Variants in RPH3A observed in about 807,000 individuals in gnomAD.
RPH3A encodes the protein rabphilin-3A.
RPH3A carries 48 observed loss-of-function variants against 102.2 expected under a neutral mutation model. That is an observed-to-expected ratio of 0.47 (90% CI 0.37 to 0.60). The LOEUF is 0.60. Ranked by LOEUF, RPH3A falls within the 20% of genes least tolerant of loss-of-function variation. RPH3A has a pLI of 0.00. For missense variants in RPH3A, 781 were observed against 910.1 expected (o/e 0.86, Z 1.83); for synonymous variants, 310 against 324.3 (o/e 0.96, Z 0.47).
At chr12:112,602,139 C>T (rs233716) in intron 1 of RPH3A, among the ~76,000 whole-genome samples, 87,567 of 151,922 alleles carry the variant, frequency 0.58, 25,832 homozygotes, top group South Asian at 0.7. Flanking sequence ...TTCTTCTTCA[C>T]GCCTTTCAAA....
At chr12:112,743,189 T>C (rs998981025) in intron 1 of RPH3A, among the ~76,000 whole-genome samples, 19 of 152,194 alleles carry the variant, frequency 1.2e-4, no homozygotes, top group African/African-American at 3.9e-4. Flanking sequence ...TAAGGTAACA[T>C]AGTCACAGGT....
intron 1 of RPH3A, among the ~76,000 whole-genome samples, chr12:112,736,066 T>C (rs1207102104): frequency 3.9e-5 from 6 of 152,152 alleles, no homozygotes; most frequent in Non-Finnish European, 7.4e-5. Context: ...TACACATCCT[T>C]AAAAGCCCAG....
chr12:112,772,368 G>A (rs985533969), intron 1 of RPH3A, among the ~76,000 whole-genome samples: 9 of 152,280 alleles, frequency 5.9e-5, no homozygotes, highest in African/African-American at 1.2e-4. Context: ...GTACATAACA[G>A]AGCATTTAGA....
intron 11 of RPH3A, 21 bp from the exon 12 acceptor site, chr12:112,875,658 T>A (rs771898782): frequency 1.2e-6 from 2 of 1,607,902 alleles, no homozygotes; most frequent in Non-Finnish European, 1.7e-6. Context: ...GCATCTCTGT[T>A]TGTCTCCTCT....
chr12:112,714,965 T>A (rs1417899310), intron 1 of RPH3A, among the ~76,000 whole-genome samples: 1 of 152,226 alleles, frequency 6.6e-6, no homozygotes, highest in East Asian at 1.9e-4. Context: ...CCAAATCCTT[T>A]TCCTGCATCT....
chr12:112,846,684 G>A (rs928156841), intron 4 of RPH3A, among the ~76,000 whole-genome samples: 5 of 152,234 alleles, frequency 3.3e-5, no homozygotes, highest in African/African-American at 1.2e-4. Flanking sequence ...CTCCCTCATA[G>A]GGACAAGAAT....
chr12:112,842,050 A>G, intron 4 of RPH3A: 2 of 456,050 alleles, frequency 4.4e-6, no homozygotes, highest in South Asian at 3.1e-5. Flanking sequence ...AATGCCAGTC[A>G]GTGATCCAGG....
chr12:112,842,748 G>C (rs2136181212), intron 4 of RPH3A, among the ~76,000 whole-genome samples: 1 of 152,348 alleles, frequency 6.6e-6, no homozygotes, highest in Admixed American at 6.5e-5. Flanking sequence ...TCACTAAAAA[G>C]TTAGGGCATC....
At chr12:112,654,331 A>C (rs553837055) in intron 1 of RPH3A, among the ~76,000 whole-genome samples, 1 of 152,298 alleles carries the variant, frequency 6.6e-6, no homozygotes, top group Non-Finnish European at 1.5e-5. Flanking sequence ...CTGCAGAAGC[A>C]TCTACTAAAC....
rs933945548 is a variant in RPH3A at position 112,875,675 on chromosome 12, T to A, written c.884-4T>A. ...ATCTCTGTTTGTCTCCTCTCCCTGC[T>A]CAGGGACCCCAGGAGGAAGCAGACC... On this transcript the variant is annotated splice_region_variant and splice_polypyrimidine_tract_variant and intron_variant, in intron 11 of 21. Transcript: ENST00000389385. 6 of 1,613,330 alleles carry A rather than the reference T, an allele frequency of 3.7e-6. No homozygotes were observed.
chr12:112,631,184 G>C (rs2039801468), intron 1 of RPH3A, among the ~76,000 whole-genome samples: 1 of 152,042 alleles, frequency 6.6e-6, no homozygotes, highest in African/African-American at 2.4e-5. Context: ...CAGCAAACTT[G>C]GACACAAAAC....
At chr12:112,679,403 T>G (rs972615086) in intron 1 of RPH3A, among the ~76,000 whole-genome samples, 8 of 152,000 alleles carry the variant, frequency 5.3e-5, no homozygotes, top group African/African-American at 1.9e-4. Flanking sequence ...TCCTCCTGCC[T>G]CAGCCTCCCA....
intron 1 of RPH3A, among the ~76,000 whole-genome samples, chr12:112,679,916 A>C (rs952523378): frequency 7.2e-5 from 11 of 152,266 alleles, no homozygotes; most frequent in Admixed American, 2.0e-4. Flanking sequence ...AGGGTTTGAC[A>C]CAGACTGACA....
intron 1 of RPH3A, among the ~76,000 whole-genome samples, chr12:112,684,499 C>T (rs890466197): frequency 5.3e-5 from 8 of 152,026 alleles, no homozygotes; most frequent in African/African-American, 1.7e-4. Flanking sequence ...CATTCCTGAC[C>T]TCAAGTGATC....
intron 1 of RPH3A, among the ~76,000 whole-genome samples, chr12:112,703,901 C>T (rs895759804): frequency 2.6e-5 from 4 of 152,168 alleles, no homozygotes; most frequent in African/African-American, 7.2e-5. Flanking sequence ...ATTGACTTGC[C>T]ATGTGCCTTG....
At chr12:112,891,991 T>C (rs1482455501) in intron 19 of RPH3A, among the ~76,000 whole-genome samples, 1 of 152,226 alleles carries the variant, frequency 6.6e-6, no homozygotes, top group Non-Finnish European at 1.5e-5. Context: ...ATTGGTAAAA[T>C]GGAGACAAGA....
At chr12:112,694,091 C>T (rs973891496) in intron 1 of RPH3A, among the ~76,000 whole-genome samples, 1 of 152,182 alleles carries the variant, frequency 6.6e-6, no homozygotes, top group Admixed American at 6.5e-5. Context: ...GAAGCTCAGC[C>T]CTCTCAGCGC....
intron 1 of RPH3A, among the ~76,000 whole-genome samples, chr12:112,684,047 A>G (rs1255243743): frequency 1.3e-5 from 2 of 152,208 alleles, no homozygotes; most frequent in Non-Finnish European, 2.9e-5. Context: ...ATATAGATAT[A>G]TAGGCATCTA....
chr12:112,887,879 A>C lies in RPH3A; in HGVS notation c.1519A>C (p.Asn507His). The stretch of plus-strand genomic sequence containing the variant: ...ATTCTCCCTCAAGAAACTGAAGCCC[A>C]ACCAGAGGAAGAATTTCAACATCTG... ...TRFSLKKLKPNQRKNFNICLE... is the reference protein window; with the variant it reads ...TRFSLKKLKPHQRKNFNICLE... Residue 507 changes from asparagine to histidine, a missense_variant, in exon 17 of 22, where the codon AAC becomes CAC. Physicochemically the swap from Asn to His is moderately conservative, Grantham distance 68. Transcript: ENST00000389385. 1 of 1,614,004 alleles carries C rather than the reference A, an allele frequency of 6.2e-7. No individual in the cohort carries two copies. The highest frequency in any genetic ancestry group is 8.5e-7 in the Non-Finnish European group (1 of 1,179,868).
Sources: gnomAD v4.1 joint callset for allele counts (sites outside exome capture counted in the v4.1 genomes callset) on GRCh38, gnomAD v4.1.1 for gene constraint, MANE v1.5 for transcripts, NCBI Gene and HGNC (gene_info 2026-07-23, HGNC 2026-07-21) for gene names.